Variants in MYT1L observed in about 807,000 individuals in gnomAD.
MYT1L encodes the protein myelin transcription factor 1 like, also known as myelin transcription factor 1-like protein.
In MYT1L, 12 loss-of-function variants were observed where a neutral mutation model predicts 126.7. The observed-to-expected ratio is 0.09, with a 90% CI of 0.06 to 0.15. MYT1L has a LOEUF of 0.15. Among genes scored for constraint, MYT1L ranks in the 10% least tolerant of loss-of-function variants. MYT1L has a pLI of 1.00. For missense variants in MYT1L, 979 were observed against 1,585.2 expected (o/e 0.62, Z 6.49); for synonymous variants, 541 against 604.2 (o/e 0.90, Z 1.53).
At chr2:2,240,592 G>A (rs1004170241) in intron 2 of MYT1L, among the ~76,000 whole-genome samples, 18 of 152,126 alleles carry the variant, frequency 1.2e-4, no homozygotes, top group Non-Finnish European at 2.4e-4. Context: ...CTTTGTCTAA[G>A]TCTCCCTAAA....
At chr2:1,839,713 G>A (rs1168944610) in intron 20 of MYT1L, among the ~76,000 whole-genome samples, 1 of 152,160 alleles carries the variant, frequency 6.6e-6, no homozygotes, top group Non-Finnish European at 1.5e-5. Context: ...TACCACTTTG[G>A]GACAGAACCA....
intron 2 of MYT1L, among the ~76,000 whole-genome samples, chr2:2,273,685 C>T (rs1015471414): frequency 6.6e-6 from 1 of 152,192 alleles, no homozygotes; most frequent in Non-Finnish European, 1.5e-5. Flanking sequence ...CTCAGAGTGG[C>T]TGCAGCAGCG....
At chr2:2,065,549 C>T (rs144621354) in intron 3 of MYT1L, among the ~76,000 whole-genome samples, 1 of 152,172 alleles carries the variant, frequency 6.6e-6, no homozygotes, top group East Asian at 1.9e-4. Flanking sequence ...CCTCCCCTAA[C>T]CTGAAATTAC....
intron 1 of MYT1L, chr2:2,324,037 G>A (rs751366653): frequency 6.6e-6 from 1 of 152,124 alleles, no homozygotes; most frequent in Non-Finnish European, 1.5e-5. Flanking sequence ...ACACGAAGAC[G>A]GATCAAGCCG....
chr2:2,242,569 C>G (rs960474630), intron 2 of MYT1L, among the ~76,000 whole-genome samples: 3 of 152,150 alleles, frequency 2.0e-5, no homozygotes, highest in African/African-American at 7.2e-5. Context: ...TTCCATTCAT[C>G]CATAAGCTTC....
chr2:2,090,987 C>A (rs2076861152), intron 3 of MYT1L, among the ~76,000 whole-genome samples: 1 of 152,226 alleles, frequency 6.6e-6, no homozygotes, highest in Non-Finnish European at 1.5e-5. Flanking sequence ...CTTGCTATTT[C>A]TACCACATCT....
At chr2:1,818,747 G>GT (rs1424463057) in intron 21 of MYT1L, among the ~76,000 whole-genome samples, 1 of 152,176 alleles carries the variant, frequency 6.6e-6, no homozygotes, top group Non-Finnish European at 1.5e-5. Context: ...CTCTGACTGT[G>GT]TATCAGATCT....
At chr2:2,167,655 A>C (rs2089379231) in intron 3 of MYT1L, among the ~76,000 whole-genome samples, 1 of 152,124 alleles carries the variant, frequency 6.6e-6, no homozygotes, top group Non-Finnish European at 1.5e-5. Flanking sequence ...ACCACATCTG[A>C]ACTGTGCTTG....
intron 11 of MYT1L, among the ~76,000 whole-genome samples, chr2:1,913,648 C>A (rs1398147891): frequency 6.6e-6 from 1 of 152,188 alleles, no homozygotes; most frequent in African/African-American, 2.4e-5. Flanking sequence ...CTGACATGTA[C>A]CTGCACCTTT....
intron 4 of MYT1L, among the ~76,000 whole-genome samples, chr2:2,009,831 C>T (rs952646333): frequency 2.0e-5 from 3 of 151,118 alleles, no homozygotes; most frequent in African/African-American, 7.3e-5. Flanking sequence ...ATTATATTAG[C>T]TGCAGGTTTT....
At chr2:2,139,695 G>C (rs963593037) in intron 3 of MYT1L, among the ~76,000 whole-genome samples, 1 of 151,962 alleles carries the variant, frequency 6.6e-6, no homozygotes, top group Non-Finnish European at 1.5e-5. Context: ...CAGGCACCGG[G>C]AGACGTCCGC....
intron 2 of MYT1L, among the ~76,000 whole-genome samples, chr2:2,190,193 A>C (rs1329730555): frequency 6.6e-6 from 1 of 151,260 alleles, no homozygotes; most frequent in East Asian, 1.9e-4. Context: ...ACAGTGGCTC[A>C]TGCCTGTAGT....
chr2:2,060,491 T>G (rs2070258500), intron 3 of MYT1L, among the ~76,000 whole-genome samples: 1 of 152,204 alleles, frequency 6.6e-6, no homozygotes, highest in African/African-American at 2.4e-5. Flanking sequence ...TGTTTAGTTA[T>G]TTAGACAGAT....
At chr2:2,180,572 ACCT>A (rs1195574080) in intron 2 of MYT1L, among the ~76,000 whole-genome samples, 3 of 148,492 alleles carry the variant, frequency 2.0e-5, no homozygotes, top group Admixed American at 6.7e-5. Flanking sequence ...CCGTGTGTGT[ACCT>A]GTGTGTGCGC....
rs189652575 is a variant in MYT1L at position 2,316,842 on chromosome 2, G to A, written c.-521+14125C>T. On this transcript the variant is annotated intron_variant, in intron 1 of 24. Transcript: ENST00000647738. ...TATTTTTTTTTCGAGACAGAGTCTC[G>A]CTCTGTCACCGAGGATGGAGTGCAG... Among the ~76,000 whole-genome samples the A allele has an allele frequency of 4.5e-3, 683 of 151,256 alleles. 3 individuals carry two copies. Among genetic ancestry groups the A allele is most frequent in the Non-Finnish European group, 4.7e-3 (318 of 67,850 alleles).
At position 2,329,835 on chromosome 2, in the gene MYT1L, A is replaced by G. The variant is rs894650473; in HGVS notation, c.-521+1132T>C. 2.0e-5 allele frequency among the ~76,000 whole-genome samples: 3 copies of G among 152,172 alleles called. No homozygotes were observed. In the East Asian group the frequency reaches 5.8e-4, roughly 29 times the overall value. ...TGCATTTGAGGTGATAGAATCATAC[A>G]TGTTCTTTTAGGTCAATCAGAAAAA... On this transcript the variant is annotated intron_variant, in intron 1 of 24. Transcript: ENST00000647738.
Position 2,320,478 on chromosome 2 carries a change from G to GAA in MYT1L, c.-521+10487_-521+10488dup, listed in dbSNP as rs111423007. On this transcript the variant is annotated intron_variant, in intron 1 of 24. Transcript: ENST00000647738. ...TCTGTGAAATATACTCTAAGTCCTA[G>GAA]AAAAAAAAAAAAGAAAAAAAAAGCC... 5.5e-3 allele frequency among the ~76,000 whole-genome samples: 718 copies of GAA among 130,996 alleles called. 6 individuals are homozygous for GAA. The highest frequency in any genetic ancestry group is 0.018 in the African/African-American group (626 of 35,198). The allele number at this position is 130,996 out of a possible 152,430, so 85.9% of individuals were successfully genotyped here. A position where few individuals can be genotyped will look rare whatever the true frequency, so the allele number is the denominator to read the frequency against.
At chr2:2,190,571 AAAAAAAG>A (rs1243352216) in intron 2 of MYT1L, among the ~76,000 whole-genome samples, 12 of 151,284 alleles carry the variant, frequency 7.9e-5, no homozygotes, top group African/African-American at 2.9e-4. Flanking sequence ...AAAAAAAAAA[AAAAAAAG>A]AAGAAGAAAG....
intron 4 of MYT1L, among the ~76,000 whole-genome samples, chr2:2,012,336 C>T (rs922065787): frequency 3.2e-4 from 48 of 152,176 alleles, no homozygotes; most frequent in African/African-American, 1.1e-3. Context: ...AGGTTTAACA[C>T]ATTATGCTAA....
Sources: allele counts gnomAD v4.1 joint callset (sites outside exome capture counted in the v4.1 genomes callset), GRCh38; gene constraint gnomAD v4.1.1; transcripts MANE v1.5; gene names NCBI Gene and HGNC (gene_info 2026-07-23, HGNC 2026-07-21).